The following UROC1 variants were observed in gnomAD, a reference collection of about 807,000 sequenced individuals.
UROC1 encodes urocanate hydratase.
Under a neutral mutation model 89.5 loss-of-function variants are expected in UROC1, and 79 were observed. The ratio of observed to expected loss-of-function variants is 0.88; its 90% CI spans 0.74 to 1.06. UROC1 has a LOEUF of 1.06. UROC1 is among the 50% of genes least tolerant of loss of function. The probability of loss-of-function intolerance (pLI) is 0.00; values close to 1 mark genes in which losing one functional copy is unlikely to be tolerated. For synonymous variants in UROC1, 361 were observed against 354.8 expected (o/e 1.02, Z -0.20); for missense variants, 885 against 907.8 (o/e 0.97, Z 0.32).
chr3:126,505,931 G>A lies in UROC1; in HGVS notation c.669+14C>T. On this transcript the variant is annotated intron_variant, in intron 7 of 19. Coordinates refer to ENST00000290868, the MANE Select transcript of UROC1 (RefSeq NM_144639.3). ...GCTGGGAAGCCCACAGCCAGGCGTG[G>A]CCCCATCTCTCACCACAGTGCCATG... The A allele has an allele frequency of 6.2e-7, 1 of 1,613,036 alleles. No individual in the cohort carries two copies. Among genetic ancestry groups the A allele is most frequent in the South Asian group, 1.1e-5 (1 of 91,064 alleles).
chr3:126,510,212 G>C (rs1292725313), intron 2 of UROC1, among the ~76,000 whole-genome samples: 1 of 152,194 alleles, frequency 6.6e-6, no homozygotes, highest in Admixed American at 6.5e-5. Context: ...GGTGAAGCCT[G>C]GCAGCCCATG....
At chr3:126,513,563 C>G (rs114594532) in intron 1 of UROC1, among the ~76,000 whole-genome samples, 5,411 of 152,334 alleles carry the variant, frequency 0.036, 96 homozygotes, top group African/African-American at 0.044. Flanking sequence ...CTTTCCCCAT[C>G]TGTAAAGTGG....
chr3:126,484,762 A>G (rs760442181), intron 18 of UROC1, among the ~76,000 whole-genome samples: 1 of 152,192 alleles, frequency 6.6e-6, no homozygotes, highest in Non-Finnish European at 1.5e-5. Context: ...CATGGCCTGC[A>G]GTGGGTTGCC....
At chr3:126,483,945 G>A (rs562622036) in intron 18 of UROC1, among the ~76,000 whole-genome samples, 1 of 152,210 alleles carries the variant, frequency 6.6e-6, no homozygotes, top group East Asian at 1.9e-4. Context: ...ATGAAATCCT[G>A]GCCTGAAGCA....
chr3:126,499,500 T>TG, intron 12 of UROC1, 91 bp from the exon 13 acceptor site: 5 of 1,237,506 alleles, frequency 4.0e-6, no homozygotes, highest in Non-Finnish European at 4.7e-6. Context: ...AGAGGGAGGC[T>TG]GGGGAAGGAT....
rs928491690 is a variant in UROC1 at position 126,495,970 on chromosome 3, G to A, written c.1509+68C>T. On this transcript the variant is annotated intron_variant, in intron 15 of 19. Coordinates refer to ENST00000290868, the MANE Select transcript of UROC1 (RefSeq NM_144639.3). ...GGACCAGGCTGAGCGCCCGTCAGCA[G>A]CACCTCACCTTTGGGCAGTCTTCTG... 2.0e-5 allele frequency: 30 copies of A among 1,504,084 alleles called. No individual in the cohort carries two copies. In the African/African-American group the frequency reaches 3.2e-4, roughly 16 times the overall value. The allele number at this position is 1,504,084 out of a possible 1,614,324, so 93.2% of individuals were successfully genotyped here. A position where few individuals can be genotyped will look rare whatever the true frequency, so the allele number is the denominator to read the frequency against.
chr3:126,497,163 C>A (rs145368943), intron 14 of UROC1, among the ~76,000 whole-genome samples: 1 of 152,220 alleles, frequency 6.6e-6, no homozygotes, highest in East Asian at 1.9e-4. Flanking sequence ...GTCTGTGTAA[C>A]CTGGGCCCCT....
At position 126,507,831 on chromosome 3, in the gene UROC1, G is replaced by A. The variant is rs749682434; in HGVS notation, c.541-28C>T. On this transcript the variant is annotated intron_variant, in intron 5 of 19. Transcript: ENST00000290868. ...GGAGAAGAGGATGGGGGCAGACAGA[G>A]GGGCTGAGGGCTTGGAGGGCGAGCA... 4.3e-6 allele frequency: 7 copies of A among 1,613,942 alleles called. No homozygotes were observed. The South Asian group carries it at 6.6e-5, about 15-fold the overall frequency.
intron 16 of UROC1, among the ~76,000 whole-genome samples, chr3:126,490,216 T>A (rs1935610804): frequency 1.3e-5 from 2 of 152,200 alleles, no homozygotes; most frequent in African/African-American, 2.4e-5. Flanking sequence ...AATACACTCA[T>A]CGGCAGCACT....
chr3:126,499,736 AT>A (rs1192180365), intron 12 of UROC1, among the ~76,000 whole-genome samples: 2 of 152,220 alleles, frequency 1.3e-5, no homozygotes, highest in African/African-American at 4.8e-5. Context: ...AGAATTGCCC[AT>A]TTTACAGAAG....
intron 7 of UROC1, 46 bp downstream of exon 7, chr3:126,505,899 C>G: frequency 6.2e-7 from 1 of 1,612,220 alleles, no homozygotes; most frequent in South Asian, 1.1e-5. Flanking sequence ...CCCCCTCCAC[C>G]CCCCATGCTG....
intron 8 of UROC1, among the ~76,000 whole-genome samples, chr3:126,505,002 T>A (rs1412690403): frequency 1.3e-5 from 2 of 152,114 alleles, no homozygotes; most frequent in Non-Finnish European, 2.9e-5. Flanking sequence ...CTTGCTCTGT[T>A]TGTTCCTACA....
intron 15 of UROC1, among the ~76,000 whole-genome samples, chr3:126,492,824 G>A (rs1277912375): frequency 3.3e-5 from 5 of 152,158 alleles, no homozygotes; most frequent in African/African-American, 9.7e-5. Flanking sequence ...TGAGCCATCT[G>A]TGCTCCAGGG....
chr3:126,498,135 C>T lies in UROC1; in HGVS notation c.1354G>A (p.Val452Met), dbSNP rs1560120599. 1 of 1,614,200 alleles carries T rather than the reference C, an allele frequency of 6.2e-7. No homozygotes were observed. Among genetic ancestry groups the T allele is most frequent in the Non-Finnish European group, 8.5e-7 (1 of 1,180,024 alleles). Reference sequence around the variant, plus strand: ...TCCTGGGGGTCCCCCGATGTGCACACCCAGCGGAAAGGCCCAAATCCCTGG... The same window carrying T: ...TCCTGGGGGTCCCCCGATGTGCACATCCAGCGGAAAGGCCCAAATCCCTGG... ...FSQGFGPFRW[V>M]CTSGDPQDLA... The change falls in exon 14 of 20, where the codon GTG becomes ATG. Residue 452 changes from valine to methionine, a missense_variant. Physicochemically the swap from Val to Met is conservative, Grantham distance 21. Transcript: ENST00000290868.
Position 126,501,249 on chromosome 3 carries a change from G to A in UROC1, c.934C>T (p.Leu312Phe), listed in dbSNP as rs770324286. 8.7e-6 allele frequency: 14 copies of A among 1,614,134 alleles called. 1 individual carries two copies. In the South Asian group the frequency reaches 1.4e-4, roughly 16 times the overall value. ...EARKKKEVLS[L>F]GYHGNVVALW... ...GCCACCACGTTGCCATGGTAACCAAGGCTGAGCACCTCCTTTTTTTTCCTT... is the reference window on the plus strand; with the variant it reads ...GCCACCACGTTGCCATGGTAACCAAAGCTGAGCACCTCCTTTTTTTTCCTT... The change falls in exon 10 of 20, where the codon CTT (leucine) becomes TTT (phenylalanine). Residue 312 changes from leucine to phenylalanine, a missense_variant. Leu to Phe is a conservative substitution (Grantham distance 22, BLOSUM62 0). Coordinates refer to ENST00000290868, the MANE Select transcript of UROC1 (RefSeq NM_144639.3).
At chr3:126,488,378 C>G in intron 17 of UROC1, 99 bp from the exon 18 acceptor site, 6 of 1,421,564 alleles carry the variant, frequency 4.2e-6, no homozygotes, top group Middle Eastern at 2.2e-4. Context: ...ACTGCTAGGC[C>G]AGAAGGATGG....
At chr3:126,506,821 T>G (rs1936070181) in intron 6 of UROC1, among the ~76,000 whole-genome samples, 1 of 152,214 alleles carries the variant, frequency 6.6e-6, no homozygotes, top group East Asian at 1.9e-4. Context: ...CTCATGCCTG[T>G]AATCCCAACA....
At chr3:126,482,581 C>G (rs1404552096) in intron 19 of UROC1, 96 bp from the exon 20 acceptor site, 3 of 1,583,712 alleles carry the variant, frequency 1.9e-6, no homozygotes, top group Non-Finnish European at 1.7e-6. Flanking sequence ...GCTTCGGGAC[C>G]TCTGAGGCTG....
At chr3:126,505,637 A>AAGGC in intron 8 of UROC1, 64 bp downstream of exon 8, 1 of 1,508,364 alleles carries the variant, frequency 6.6e-7, no homozygotes, top group Non-Finnish European at 9.0e-7. Context: ...CGGGAGGAAG[A>AAGGC]AGGGAGGGAG....
Sources: allele counts gnomAD v4.1 joint callset (sites outside exome capture counted in the v4.1 genomes callset), GRCh38; gene constraint gnomAD v4.1.1; transcripts MANE v1.5; gene names NCBI Gene and HGNC (gene_info 2026-07-23, HGNC 2026-07-21).